CDK5RAP1: variants seen among roughly 807,000 people sequenced by gnomAD.
CDK5RAP1 encodes the protein mitochondrial tRNA methylthiotransferase CDK5RAP1.
Under a neutral mutation model 64.5 loss-of-function variants are expected in CDK5RAP1, and 62 were observed. That is an observed-to-expected ratio of 0.96 (90% confidence interval 0.78 to 1.19). CDK5RAP1 has a LOEUF of 1.19. CDK5RAP1 is among the 50% of genes most tolerant of loss of function. The pLI is 0.00. For missense variants in CDK5RAP1, 657 were observed against 735.0 expected (o/e 0.89, Z 1.23); for synonymous variants, 250 against 261.9 (o/e 0.95, Z 0.44).
At position 33,392,374 on chromosome 20, in the gene CDK5RAP1, G is replaced by A. The variant is rs76153472; in HGVS notation, c.444-132C>T. On this transcript the variant is annotated intron_variant, in intron 4 of 13. Coordinates refer to ENST00000346416, the MANE Select transcript of CDK5RAP1 (RefSeq NM_016408.4). ...CAAGCTTTTCCAACCTGCAGCCCAC[G>A]GGCCACATGCAGCCAGGATGGCTTT... is the stretch of plus-strand genomic sequence containing the variant. 9.6e-3 allele frequency: 4,296 copies of A among 446,524 alleles called. 28 individuals carry two copies. Among genetic ancestry groups the A allele is most frequent in the Middle Eastern group, 0.025 (52 of 2,066 alleles). The allele number at this position is 446,524 out of a possible 1,614,324, so 27.7% of individuals were successfully genotyped here.
intron 1 of CDK5RAP1, among the ~76,000 whole-genome samples, chr20:33,397,669 G>A (rs1282433368): frequency 6.6e-6 from 1 of 152,220 alleles, no homozygotes; most frequent in Admixed American, 6.5e-5. Context: ...TGAGGGCATT[G>A]TATGCCCGAT....
chr20:33,374,246 A>G (rs1482376312), intron 8 of CDK5RAP1, 34 bp from the exon 9 acceptor site: 5 of 1,391,304 alleles, frequency 3.6e-6, no homozygotes, highest in South Asian at 1.2e-5. Context: ...GGTAATCACA[A>G]TCTCACCAAA....
intron 9 of CDK5RAP1, chr20:33,373,077 A>AGT (rs928489148): frequency 1.3e-4 from 25 of 198,866 alleles, no homozygotes; most frequent in Admixed American, 3.1e-4. Context: ...ACACCCAGCT[A>AGT]GTGTGTGTGT....
At chr20:33,379,790 T>A in intron 7 of CDK5RAP1, 99 bp from the exon 8 acceptor site, 3 of 905,086 alleles carry the variant, frequency 3.3e-6, no homozygotes, top group Non-Finnish European at 5.0e-6. Flanking sequence ...TCTTTTGTTT[T>A]AAACAAAAGA....
At chr20:33,379,897 A>C (rs914808799) in intron 7 of CDK5RAP1, among the ~76,000 whole-genome samples, 2 of 152,190 alleles carry the variant, frequency 1.3e-5, no homozygotes, top group African/African-American at 4.8e-5. Flanking sequence ...AAACCTAATA[A>C]AGCCTTATAT....
intron 1 of CDK5RAP1, among the ~76,000 whole-genome samples, chr20:33,400,422 A>G (rs1227272019): frequency 1.3e-4 from 20 of 152,222 alleles, no homozygotes; most frequent in African/African-American, 3.9e-4. Context: ...TTTCTACTCC[A>G]TAATTGCTGT....
At chr20:33,375,199 C>T (rs557478332) in intron 8 of CDK5RAP1, among the ~76,000 whole-genome samples, 4 of 151,634 alleles carry the variant, frequency 2.6e-5, no homozygotes, top group African/African-American at 7.2e-5. Flanking sequence ...GTCAGCAGTT[C>T]GAGACCAGCT....
At chr20:33,400,098 T>C (rs1287641026) in intron 1 of CDK5RAP1, among the ~76,000 whole-genome samples, 1 of 152,172 alleles carries the variant, frequency 6.6e-6, no homozygotes, top group Non-Finnish European at 1.5e-5. Flanking sequence ...TATACGCAGT[T>C]CACAATAGGG....
At chr20:33,390,749 C>G (rs1204497988) in intron 5 of CDK5RAP1, among the ~76,000 whole-genome samples, 1 of 152,114 alleles carries the variant, frequency 6.6e-6, no homozygotes, top group Non-Finnish European at 1.5e-5. Flanking sequence ...ACCCTTCCAT[C>G]CTCCTGCGTC....
At chr20:33,398,887 C>G (rs1411426845) in intron 1 of CDK5RAP1, among the ~76,000 whole-genome samples, 1 of 152,110 alleles carries the variant, frequency 6.6e-6, no homozygotes, top group Non-Finnish European at 1.5e-5. Flanking sequence ...AATCGCACCA[C>G]TGCACTCCAG....
At chr20:33,383,194 A>ATAAC (rs1404902372) in intron 7 of CDK5RAP1, among the ~76,000 whole-genome samples, 2 of 152,214 alleles carry the variant, frequency 1.3e-5, no homozygotes, top group East Asian at 3.9e-4. Context: ...AAATAAATAA[A>ATAAC]TAAATAAATA....
intron 2 of CDK5RAP1, 65 bp from the exon 3 acceptor site, chr20:33,395,181 G>T: frequency 1.1e-6 from 1 of 899,568 alleles, no homozygotes; most frequent in Non-Finnish European, 1.9e-6. Flanking sequence ...GTCTCAAAAG[G>T]TCTCCTTCCC....
intron 5 of CDK5RAP1, among the ~76,000 whole-genome samples, chr20:33,389,629 G>A (rs1399476515): frequency 6.8e-6 from 1 of 147,984 alleles, no homozygotes; most frequent in Non-Finnish European, 1.5e-5. Context: ...CCAGGAGGTG[G>A]GGGGCGCCTC....
intron 6 of CDK5RAP1, 125 bp downstream of exon 6, chr20:33,387,198 G>A: frequency 2.8e-6 from 2 of 702,354 alleles, no homozygotes; most frequent in Non-Finnish European, 4.7e-6. Context: ...CAAGGCTGCA[G>A]TGAGCCCTGA....
chr20:33,398,066 A>C (rs1653988407), intron 1 of CDK5RAP1, among the ~76,000 whole-genome samples: 1 of 152,230 alleles, frequency 6.6e-6, no homozygotes, highest in South Asian at 2.1e-4. Context: ...TGGCTTAGCA[A>C]ATAACACAAC....
At chr20:33,359,249 C>T in intron 13 of CDK5RAP1, 126 bp from the exon 14 acceptor site, 1 of 678,394 alleles carries the variant, frequency 1.5e-6, no homozygotes. Flanking sequence ...GCAGAGACCA[C>T]ATGGCTCCTG....
chr20:33,359,855 A>G (rs924320973), intron 13 of CDK5RAP1: 8 of 157,630 alleles, frequency 5.1e-5, no homozygotes, highest in African/African-American at 1.2e-4. Context: ...GAAGGAGACA[A>G]TAAGAGAAGC....
At chr20:33,388,540 CCCTCTCCCCCTCT>C (rs1368789952) in intron 5 of CDK5RAP1, among the ~76,000 whole-genome samples, 19 of 83,954 alleles carry the variant, frequency 2.3e-4, no homozygotes, top group African/African-American at 8.9e-4. Context: ...CTCCCCCTCT[CCCTCTCCCCCTCT>C]CCCTCTCCCT....
intron 2 of CDK5RAP1, 65 bp from the exon 3 acceptor site, chr20:33,395,181 G>C (rs1988792975): frequency 5.6e-6 from 5 of 899,568 alleles, no homozygotes; most frequent in Non-Finnish European, 9.3e-6. Context: ...GTCTCAAAAG[G>C]TCTCCTTCCC....
Sources: gnomAD v4.1 joint callset for allele counts (sites outside exome capture counted in the v4.1 genomes callset) on GRCh38, gnomAD v4.1.1 for gene constraint, MANE v1.5 for transcripts, NCBI Gene and HGNC (gene_info 2026-07-23, HGNC 2026-07-21) for gene names.